Variants in UBR3 observed in about 807,000 individuals in gnomAD.
UBR3 encodes E3 ubiquitin-protein ligase UBR3.
Under a neutral mutation model 243.2 loss-of-function variants are expected in UBR3, and 85 were observed. That is an observed-to-expected ratio of 0.35 (90% confidence interval 0.29 to 0.42). UBR3 has a LOEUF of 0.42. Ranked by LOEUF, UBR3 falls within the 10% of genes least tolerant of loss-of-function variation. The pLI is 1.00. For synonymous variants in UBR3, 748 were observed against 799.8 expected, an observed-to-expected ratio of 0.94 and a Z score of 1.09; for missense variants, 1,686 against 2,300.8, an observed-to-expected ratio of 0.73 and a Z score of 5.47.
intron 10 of UBR3, among the ~76,000 whole-genome samples, chr2:169,907,472 C>A (rs2085062409): frequency 6.6e-6 from 1 of 152,114 alleles, no homozygotes; most frequent in Admixed American, 6.5e-5. Context: ...TACTAAGAAT[C>A]TTTCGTTCTA....
chr2:169,877,122 C>T (rs2083649083), intron 3 of UBR3, among the ~76,000 whole-genome samples: 1 of 152,216 alleles, frequency 6.6e-6, no homozygotes. Flanking sequence ...GACTGTCAAA[C>T]CAGAAGGTGA....
At chr2:169,988,918 A>C (rs892510442) in intron 25 of UBR3, among the ~76,000 whole-genome samples, 3 of 152,096 alleles carry the variant, frequency 2.0e-5, no homozygotes, top group African/African-American at 7.2e-5. Context: ...TTATCCACCC[A>C]TTGATACTTT....
At chr2:169,949,336 A>G (rs2086915410) in intron 22 of UBR3, 2 of 296,000 alleles carry the variant, frequency 6.8e-6, no homozygotes, top group African/African-American at 4.4e-5. Context: ...ATGGCTGTAG[A>G]TACTACTTAA....
At chr2:169,936,824 A>T (rs1341097066) in intron 19 of UBR3, among the ~76,000 whole-genome samples, 1 of 152,168 alleles carries the variant, frequency 6.6e-6, no homozygotes, top group African/African-American at 2.4e-5. Flanking sequence ...TTCCAGCTTC[A>T]TCCATGTCCG....
chr2:169,979,772 T>C (rs1344809450), intron 24 of UBR3, among the ~76,000 whole-genome samples: 2 of 152,170 alleles, frequency 1.3e-5, no homozygotes, highest in Non-Finnish European at 2.9e-5. Context: ...ACATGGGAGT[T>C]TTTTTAGAGC....
chr2:170,081,566 T>C (rs1235297918), intron 38 of UBR3, among the ~76,000 whole-genome samples, 160 bp from the exon 39 acceptor site: 1 of 151,998 alleles, frequency 6.6e-6, no homozygotes, highest in Non-Finnish European at 1.5e-5. Context: ...GGTGAGCACC[T>C]GTAATCCCAG....
At chr2:169,917,837 G>T (rs1419534325) in intron 11 of UBR3, among the ~76,000 whole-genome samples, 1 of 152,044 alleles carries the variant, frequency 6.6e-6, no homozygotes. Context: ...TGAGTAACTG[G>T]GACTACAGGC....
chr2:170,036,009 A>C (rs1375297543), intron 31 of UBR3, among the ~76,000 whole-genome samples: 2 of 151,426 alleles, frequency 1.3e-5, no homozygotes, highest in Non-Finnish European at 3.0e-5. Flanking sequence ...TCTGTATATT[A>C]ATCTTGTGTC....
At chr2:169,842,372 G>A (rs915056746) in intron 1 of UBR3, among the ~76,000 whole-genome samples, 1 of 152,124 alleles carries the variant, frequency 6.6e-6, no homozygotes, top group Non-Finnish European at 1.5e-5. Context: ...CAGGCCACTG[G>A]GCTCTACCAA....
chr2:169,968,364 C>T (rs1483540112), intron 24 of UBR3, among the ~76,000 whole-genome samples: 1 of 152,172 alleles, frequency 6.6e-6, no homozygotes, highest in Admixed American at 6.5e-5. Context: ...CCAACCCTTC[C>T]CAGCGTCTGG....
chr2:169,985,524 C>A lies in UBR3; in HGVS notation c.3635-1121C>A, dbSNP rs189674091. ...GGGATTATAGGCATGAGCCACCATG[C>A]CCGGCCTCATATCAACTCTTAATGG... is the stretch of plus-strand genomic sequence containing the variant. On this transcript the variant is annotated intron_variant, in intron 24 of 38. Coordinates refer to ENST00000272793, the MANE Select transcript of UBR3 (RefSeq NM_172070.4). Among the ~76,000 whole-genome samples the A allele has an allele frequency of 3.6e-3, 548 of 152,252 alleles. 3 individuals carry two copies. The highest frequency in any genetic ancestry group is 0.013 in the African/African-American group (524 of 41,526).
intron 29 of UBR3, chr2:170,014,084 G>A (rs879467830): frequency 1.2e-5 from 4 of 330,426 alleles, no homozygotes; most frequent in Admixed American, 3.7e-5. Flanking sequence ...GAGCTGGAAC[G>A]TTATCGGTGT....
rs551593738 is a variant in UBR3 at position 170,049,440 on chromosome 2, C to T, written c.4661-6020C>T. 2.5e-4 allele frequency among the ~76,000 whole-genome samples: 38 copies of T among 152,254 alleles called. No homozygotes were observed. The South Asian group carries it at 7.9e-3, about 32-fold the overall frequency. ...AAATCCTTGTATGAGTAGACCTGCA[C>T]AGTTCAAACCCATCTTGTTACATAG... On this transcript the variant is annotated intron_variant, in intron 32 of 38. Transcript: ENST00000272793.
At chr2:169,956,084 C>G (rs1483504831) in intron 23 of UBR3, among the ~76,000 whole-genome samples, 1 of 151,926 alleles carries the variant, frequency 6.6e-6, no homozygotes, top group African/African-American at 2.4e-5. Context: ...TGTGAGTTCA[C>G]TCTGATACTT....
At chr2:169,968,344 A>G (rs947591238) in intron 24 of UBR3, among the ~76,000 whole-genome samples, 4 of 152,086 alleles carry the variant, frequency 2.6e-5, no homozygotes, top group Non-Finnish European at 4.4e-5. Context: ...CTCTCTTCAT[A>G]TCCTCCTCCC....
chr2:169,937,881 G>A (rs1476990431), intron 19 of UBR3, among the ~76,000 whole-genome samples: 1 of 152,178 alleles, frequency 6.6e-6, no homozygotes, highest in African/African-American at 2.4e-5. Flanking sequence ...ATTCCTCAGG[G>A]AAGTATCCTC....
intron 1 of UBR3, among the ~76,000 whole-genome samples, chr2:169,852,658 C>T (rs558806382): frequency 6.9e-5 from 10 of 145,084 alleles, no homozygotes; most frequent in Admixed American, 4.9e-4. Context: ...GGTTGACCAA[C>T]GGGGTGAAGC....
At chr2:169,907,547 T>C (rs1428867908) in intron 10 of UBR3, among the ~76,000 whole-genome samples, 1 of 152,090 alleles carries the variant, frequency 6.6e-6, no homozygotes, top group African/African-American at 2.4e-5. Context: ...ATTATTAAGG[T>C]AATTTCTTAA....
At chr2:169,940,908 T>C (rs1157590275) in intron 19 of UBR3, among the ~76,000 whole-genome samples, 3 of 152,192 alleles carry the variant, frequency 2.0e-5, no homozygotes, top group African/African-American at 7.2e-5. Flanking sequence ...GATGATGAAT[T>C]CTTGTGCCAT....
Sources: allele counts gnomAD v4.1 joint callset (sites outside exome capture counted in the v4.1 genomes callset), GRCh38; gene constraint gnomAD v4.1.1; transcripts MANE v1.5; gene names NCBI Gene and HGNC (gene_info 2026-07-23, HGNC 2026-07-21).